SIPA1L1: variants seen among roughly 807,000 people sequenced by gnomAD.
SIPA1L1 encodes the protein signal induced proliferation associated 1 like 1.
SIPA1L1 carries 26 observed loss-of-function variants against 162.7 expected under a neutral mutation model. The ratio of observed to expected loss-of-function variants is 0.16; its 90% CI spans 0.12 to 0.22. The LOEUF (loss-of-function observed/expected upper bound fraction) is 0.22, where lower values mean the gene tolerates loss of function less well. SIPA1L1 is among the 10% of genes least tolerant of loss of function. The pLI is 1.00. For missense variants in SIPA1L1, 1,874 were observed against 2,241.0 expected (o/e 0.84, Z 3.31); for synonymous variants, 829 against 837.4 (o/e 0.99, Z 0.17).
intron 13 of SIPA1L1, among the ~76,000 whole-genome samples, chr14:71,694,802 A>G (rs889310280): frequency 6.6e-6 from 1 of 152,238 alleles, no homozygotes; most frequent in Admixed American, 6.5e-5. Context: ...CTTTAAGCAG[A>G]AAGATCTGGA....
intron 3 of SIPA1L1, among the ~76,000 whole-genome samples, chr14:71,513,465 T>C (rs889325406): frequency 2.6e-5 from 4 of 152,088 alleles, no homozygotes; most frequent in African/African-American, 9.7e-5. Context: ...CATACAGACA[T>C]GGAAATAGAT....
chr14:71,540,388 T>A (rs188328660), intron 4 of SIPA1L1, among the ~76,000 whole-genome samples: 3 of 152,336 alleles, frequency 2.0e-5, no homozygotes, highest in East Asian at 3.9e-4. Context: ...TTGGATTTTT[T>A]AAAGTACAGC....
In SIPA1L1 at chr14:71,393,517, T is replaced by C. The variant is rs1254044115; in HGVS notation, c.-465+72336T>C. Among the ~76,000 whole-genome samples the C allele has an allele frequency of 3.3e-5, 5 of 152,298 alleles. No individual in the cohort carries two copies. The East Asian group carries it at 9.7e-4, about 29-fold the overall frequency. ...ATGCTAGCAGGACTTGCTTTAGTAA[T>C]AGCTTTGTGGCTGGGCGTGGAGGCT... On this transcript the variant is annotated intron_variant, in intron 2 of 23. Coordinates refer to ENST00000381232, the MANE Select transcript of SIPA1L1 (RefSeq NM_001386936.1).
intron 7 of SIPA1L1, among the ~76,000 whole-genome samples, chr14:71,633,110 T>TATGTTA (rs1297298149): frequency 3.6e-5 from 5 of 137,338 alleles, no homozygotes; most frequent in Admixed American, 7.5e-5. Flanking sequence ...ACAAGCATGA[T>TATGTTA]TGTTATGTTA....
rs182919707 is a variant in SIPA1L1 at position 71,565,432 on chromosome 14, C to T, written c.-302-22139C>T. 4.5e-3 allele frequency among the ~76,000 whole-genome samples: 684 copies of T among 152,284 alleles called. 6 individuals are homozygous for T. The highest frequency in any genetic ancestry group is 0.015 in the African/African-American group (633 of 41,556). On this transcript the variant is annotated intron_variant, in intron 4 of 23. Coordinates refer to ENST00000381232, the MANE Select transcript of SIPA1L1 (RefSeq NM_001386936.1). ...TGGTAGGCCTGCCTAGAGATTTTAC[C>T]GAAGGTTCCACCTTCCATGAATTTT... is the stretch of plus-strand genomic sequence containing the variant.
chr14:71,548,250 T>G (rs991298242), intron 4 of SIPA1L1, among the ~76,000 whole-genome samples: 1 of 152,220 alleles, frequency 6.6e-6, no homozygotes, highest in African/African-American at 2.4e-5. Context: ...GGCATATAGC[T>G]TAATTTTGCT....
chr14:71,479,143 G>A (rs949080871), intron 2 of SIPA1L1, among the ~76,000 whole-genome samples: 1 of 152,102 alleles, frequency 6.6e-6, no homozygotes, highest in East Asian at 1.9e-4. Flanking sequence ...CTCATTGCCA[G>A]TTTGGTAGTA....
At chr14:71,387,107 G>C (rs1324308249) in intron 2 of SIPA1L1, among the ~76,000 whole-genome samples, 1 of 151,960 alleles carries the variant, frequency 6.6e-6, no homozygotes, top group Non-Finnish European at 1.5e-5. Context: ...AATTAGCTGG[G>C]CATGGTGGCG....
intron 5 of SIPA1L1, among the ~76,000 whole-genome samples, chr14:71,616,814 A>C (rs929914072): frequency 2.0e-5 from 3 of 152,226 alleles, no homozygotes; most frequent in African/African-American, 7.2e-5. Flanking sequence ...GTTGCTGACC[A>C]GGGAAAGCTT....
rs1417413161 is a variant in SIPA1L1, at chr14:71,671,476, C to T, written c.2613C>T (p.Ala871=). The T allele has an allele frequency of 2.5e-6, 4 of 1,614,092 alleles. No homozygotes were observed. Among genetic ancestry groups the T allele is most frequent in the South Asian group, 2.2e-5 (2 of 91,070 alleles). Residue 871 remains alanine (A), a synonymous_variant, in exon 11 of 24, where the codon GCC becomes GCT. Transcript: ENST00000381232. ...TCCGGGCTGAAGACTACAACAAGGC[C>T]ATGGAACTAGACTGCCTTTTAGGGA... ...WAVRAEDYNK[A]MELDCLLGIS...
At chr14:71,437,598 G>A (rs780121538) in intron 2 of SIPA1L1, among the ~76,000 whole-genome samples, 1 of 152,128 alleles carries the variant, frequency 6.6e-6, no homozygotes, top group Non-Finnish European at 1.5e-5. Context: ...CTAGCCTCAA[G>A]TGATCTGCCC....
intron 4 of SIPA1L1, among the ~76,000 whole-genome samples, chr14:71,565,854 T>C (rs2030410415): frequency 6.6e-6 from 1 of 152,144 alleles, no homozygotes. Context: ...AAATTAACTT[T>C]CTATTTTTCC....
intron 4 of SIPA1L1, among the ~76,000 whole-genome samples, chr14:71,569,606 T>C (rs2031535311): frequency 6.6e-6 from 1 of 152,138 alleles, no homozygotes; most frequent in South Asian, 2.1e-4. Flanking sequence ...CTCTGTCTGA[T>C]TTAAGAAGGA....
intron 14 of SIPA1L1, among the ~76,000 whole-genome samples, chr14:71,700,874 G>T (rs1346881171): frequency 6.6e-6 from 1 of 151,690 alleles, no homozygotes; most frequent in Non-Finnish European, 1.5e-5. Flanking sequence ...GGTGCCCGCA[G>T]TCCCAGCTAC....
At chr14:71,429,387 T>G (rs2043818412) in intron 2 of SIPA1L1, among the ~76,000 whole-genome samples, 1 of 124,708 alleles carries the variant, frequency 8.0e-6, no homozygotes, top group East Asian at 2.1e-4. Flanking sequence ...TAATTGCCAT[T>G]GTATTTAATA....
chr14:71,486,506 G>T (rs961811574), intron 2 of SIPA1L1, among the ~76,000 whole-genome samples: 1 of 152,206 alleles, frequency 6.6e-6, no homozygotes, highest in Admixed American at 6.5e-5. Flanking sequence ...CTTCAAGGGA[G>T]GCTCAAGTGT....
chr14:71,395,676 C>A (rs1407479037), intron 2 of SIPA1L1, among the ~76,000 whole-genome samples: 1 of 152,146 alleles, frequency 6.6e-6, no homozygotes, highest in Non-Finnish European at 1.5e-5. Context: ...AACTCAAGAG[C>A]TGGTCCTGCT....
intron 17 of SIPA1L1, among the ~76,000 whole-genome samples, chr14:71,715,233 C>G (rs1461897949): frequency 1.3e-5 from 2 of 152,252 alleles, no homozygotes; most frequent in Non-Finnish European, 2.9e-5. Context: ...AGTCTCAGTT[C>G]TACCATTGGT....
intron 2 of SIPA1L1, among the ~76,000 whole-genome samples, chr14:71,408,734 TC>T (rs1430440524): frequency 1.3e-5 from 2 of 152,184 alleles, no homozygotes; most frequent in Non-Finnish European, 2.9e-5. Flanking sequence ...AGGAATCTCT[TC>T]CTTAGAAGCC....
Sources: allele counts gnomAD v4.1 joint callset (sites outside exome capture counted in the v4.1 genomes callset), GRCh38; gene constraint gnomAD v4.1.1; transcripts MANE v1.5; gene names NCBI Gene and HGNC (gene_info 2026-07-23, HGNC 2026-07-21).